Variants in MYOCOS observed in about 807,000 individuals in gnomAD.
The protein encoded by MYOCOS is myocilin opposite strand, also known as myocilin opposite strand protein.
At chr1:171,617,942 A>G (rs1450390974), upstream of MYOCOS, among the ~76,000 whole-genome samples, 1 of 152,238 alleles carries the variant, frequency 6.6e-6, no homozygotes, top group Admixed American at 6.5e-5. Context: ...GAGAGGAGAC[A>G]GAGAACACGG....
upstream of MYOCOS, chr1:171,622,228 T>G (rs1467873768): frequency 6.6e-6 from 1 of 152,214 alleles, no homozygotes; most frequent in Admixed American, 6.5e-5. Flanking sequence ...GAGATAGCGC[T>G]TCCCCATTGC....
At chr1:171,625,420 G>A (rs1652674420) in intron 2 of MYOCOS, among the ~76,000 whole-genome samples, 1 of 152,210 alleles carries the variant, frequency 6.6e-6, no homozygotes, top group Non-Finnish European at 1.5e-5. Context: ...CATGATCTGG[G>A]TAATCACCTT....
chr1:171,606,395 C>A (rs1446370934), intron 1 of MYOCOS, among the ~76,000 whole-genome samples: 1 of 152,190 alleles, frequency 6.6e-6, no homozygotes, highest in Non-Finnish European at 1.5e-5. Flanking sequence ...ATACTCAGTA[C>A]CTGTTTTAAG....
At chr1:171,608,623 G>A (rs57469967) in intron 1 of MYOCOS, among the ~76,000 whole-genome samples, 61,776 of 151,422 alleles carry the variant, frequency 0.41, 12,971 homozygotes, top group East Asian at 0.57. Flanking sequence ...GGGTTTCACC[G>A]TGTTAGCCAG....
At chr1:171,613,115 CT>C (rs966764115) in intron 1 of MYOCOS, among the ~76,000 whole-genome samples, 7 of 152,190 alleles carry the variant, frequency 4.6e-5, no homozygotes, top group African/African-American at 1.7e-4. Context: ...GGATATTCCT[CT>C]GTCTCCAGTG....
At chr1:171,604,163 G>A (rs1652198352) in intron 1 of MYOCOS, 2 of 152,060 alleles carry the variant, frequency 1.3e-5, no homozygotes, top group South Asian at 4.2e-4. Flanking sequence ...ACGTGGATAG[G>A]AGCAGCTTCG....
intron 1 of MYOCOS, among the ~76,000 whole-genome samples, chr1:171,613,626 C>A (rs1652392485): frequency 6.6e-6 from 1 of 152,076 alleles, no homozygotes; most frequent in African/African-American, 2.4e-5. Flanking sequence ...TAGCTTGCTG[C>A]AACCTTGAAC....
intron 1 of MYOCOS, among the ~76,000 whole-genome samples, chr1:171,614,402 T>C (rs1342526814): frequency 1.3e-5 from 2 of 152,170 alleles, no homozygotes; most frequent in Non-Finnish European, 2.9e-5. Context: ...AGTTGAACTG[T>C]GGCACAGTCA....
upstream of MYOCOS, among the ~76,000 whole-genome samples, chr1:171,620,612 C>T (rs545013053): frequency 3.9e-5 from 6 of 152,228 alleles, no homozygotes; most frequent in East Asian, 5.8e-4. Flanking sequence ...TTATCTTAAC[C>T]TGAACATTCC....
At position 171,608,107 on chromosome 1, in the gene MYOCOS, C is replaced by A. The variant is rs531341234; in HGVS notation, c.-251-6691C>A. Among the ~76,000 whole-genome samples, 20 of 152,240 alleles carry A rather than the reference C, an allele frequency of 1.3e-4. No homozygotes were observed. In the South Asian group the frequency reaches 2.1e-3, roughly 16 times the overall value. ...CCCTTATGATTCAATTATCTCCCAC[C>A]GGGTCCCTCCCACAACAAGTGGGAA... On this transcript the variant is annotated intron_variant, in intron 1 of 3. Coordinates refer to the MYOCOS transcript ENST00000636697.
upstream of MYOCOS, among the ~76,000 whole-genome samples, chr1:171,617,436 C>T (rs1652471203): frequency 6.6e-6 from 1 of 152,018 alleles, no homozygotes; most frequent in African/African-American, 2.4e-5. Context: ...TAAGAGGAAA[C>T]AAGCAGAGGG....
At chr1:171,619,250 A>C (rs909628353), upstream of MYOCOS, among the ~76,000 whole-genome samples, 7 of 152,172 alleles carry the variant, frequency 4.6e-5, no homozygotes, top group Non-Finnish European at 8.8e-5. Context: ...CATTATCATC[A>C]ATGTAAAGAA....
chr1:171,602,455 A>C (rs1652161723), intron 1 of MYOCOS, among the ~76,000 whole-genome samples: 1 of 152,198 alleles, frequency 6.6e-6, no homozygotes, highest in Non-Finnish European at 1.5e-5. Context: ...CGTTAATTGT[A>C]AAGAAAATTC....
intron 1 of MYOCOS, among the ~76,000 whole-genome samples, chr1:171,605,815 A>G (rs1652234508): frequency 6.6e-6 from 1 of 152,212 alleles, no homozygotes; most frequent in South Asian, 2.1e-4. Context: ...CAACCGAATC[A>G]TACGGTTACA....
At chr1:171,610,712 G>A (rs759075482) in intron 1 of MYOCOS, among the ~76,000 whole-genome samples, 28 of 152,160 alleles carry the variant, frequency 1.8e-4, no homozygotes, top group Admixed American at 4.6e-4. Flanking sequence ...TTGCATTAGG[G>A]ATTACATTTC....
chr1:171,624,593 CG>C (rs1558082992), intron 2 of MYOCOS, among the ~76,000 whole-genome samples: 1 of 152,006 alleles, frequency 6.6e-6, no homozygotes, highest in African/African-American at 2.4e-5. Context: ...CCCGCCACGA[CG>C]CCCGGCTAAT....
chr1:171,615,196 T>C (rs751314001), intron 2 of MYOCOS, among the ~76,000 whole-genome samples: 5 of 152,118 alleles, frequency 3.3e-5, no homozygotes, highest in Non-Finnish European at 7.3e-5. Flanking sequence ...TGCAGATAGA[T>C]TGAAAGAGTG....
upstream of MYOCOS, among the ~76,000 whole-genome samples, chr1:171,619,753 T>C (rs1652518578): frequency 1.3e-5 from 2 of 151,254 alleles, no homozygotes; most frequent in African/African-American, 2.4e-5. Context: ...ACATAATCAT[T>C]TGAACCCGGG....
intron 1 of MYOCOS, among the ~76,000 whole-genome samples, chr1:171,613,156 C>A (rs1296206116): frequency 6.6e-6 from 1 of 152,170 alleles, no homozygotes; most frequent in Admixed American, 6.5e-5. Flanking sequence ...GTCCCTAGAT[C>A]TCTGTGGGAA....
Sources: allele counts gnomAD v4.1 joint callset (sites outside exome capture counted in the v4.1 genomes callset), GRCh38; gene constraint gnomAD v4.1.1; transcripts MANE v1.5; gene names NCBI Gene and HGNC (gene_info 2026-07-23, HGNC 2026-07-21).